PTK2: variants seen among roughly 807,000 people sequenced by gnomAD.
The protein encoded by PTK2 is protein tyrosine kinase 2, also known as focal adhesion kinase 1.
PTK2 carries 45 observed loss-of-function variants against 150.1 expected under a neutral mutation model. That is an observed-to-expected ratio of 0.30 (90% confidence interval 0.24 to 0.38). PTK2 has a LOEUF of 0.38. PTK2 is among the 10% of genes least tolerant of loss of function. PTK2 has a pLI of 1.00. For synonymous variants in PTK2, 432 were observed against 449.2 expected (o/e 0.96, Z 0.48); for missense variants, 919 against 1,307.3 (o/e 0.70, Z 4.58).
chr8:140,897,793 CTGCCAATTCTTTGTG>C (rs1285456255), intron 2 of PTK2, among the ~76,000 whole-genome samples: 1 of 152,216 alleles, frequency 6.6e-6, no homozygotes, highest in African/African-American at 2.4e-5. Flanking sequence ...ACAGCTGGGG[CTGCCAATTCTTTGTG>C]TGTCTCTAAA....
intron 28 of PTK2, among the ~76,000 whole-genome samples, chr8:140,674,654 G>C (rs984548906): frequency 6.6e-6 from 1 of 151,964 alleles, no homozygotes; most frequent in African/African-American, 2.4e-5. Context: ...CAGGAGAATC[G>C]CTTGAACCCA....
chr8:140,985,571 C>T (rs940862994), intron 1 of PTK2, among the ~76,000 whole-genome samples: 4 of 152,134 alleles, frequency 2.6e-5, no homozygotes, highest in African/African-American at 9.7e-5. Context: ...AACCTTTTCC[C>T]CCATCCTTCC....
chr8:140,833,520 A>G (rs1368417088), intron 7 of PTK2, among the ~76,000 whole-genome samples: 1 of 152,212 alleles, frequency 6.6e-6, no homozygotes, highest in Non-Finnish European at 1.5e-5. Flanking sequence ...AGGGACTTGT[A>G]GGCTGTCCCA....
intron 10 of PTK2, among the ~76,000 whole-genome samples, chr8:140,813,609 A>C (rs555070760): frequency 1.3e-5 from 2 of 152,354 alleles, no homozygotes; most frequent in Non-Finnish European, 2.9e-5. Context: ...GAGAACCAAG[A>C]CACAATGTAC....
At chr8:140,960,768 G>C (rs946716789) in intron 1 of PTK2, among the ~76,000 whole-genome samples, 2 of 152,054 alleles carry the variant, frequency 1.3e-5, no homozygotes, top group Non-Finnish European at 2.9e-5. Context: ...GATCACCTGA[G>C]GTCAGGAGTT....
chr8:140,991,424 T>C (rs558637158), intron 1 of PTK2, among the ~76,000 whole-genome samples: 2 of 152,306 alleles, frequency 1.3e-5, no homozygotes, highest in South Asian at 4.1e-4. Flanking sequence ...TTCATTCAAA[T>C]TCCAAACCAA....
chr8:140,918,049 G>A (rs2154608183), intron 2 of PTK2, among the ~76,000 whole-genome samples: 1 of 152,316 alleles, frequency 6.6e-6, no homozygotes, highest in East Asian at 1.9e-4. Flanking sequence ...GCATATGGCA[G>A]TGAGCAAAAG....
chr8:140,971,576 T>C (rs1324987853), intron 1 of PTK2, among the ~76,000 whole-genome samples: 1 of 152,250 alleles, frequency 6.6e-6, no homozygotes, highest in African/African-American at 2.4e-5. Flanking sequence ...ATCAATTTTT[T>C]CTACAGACTT....
intron 5 of PTK2, among the ~76,000 whole-genome samples, chr8:140,863,664 G>A (rs1346482055): frequency 6.6e-5 from 10 of 152,162 alleles, no homozygotes; most frequent in Admixed American, 5.9e-4. Flanking sequence ...ACTCTTCTAT[G>A]CACAGTCACG....
intron 15 of PTK2, 24 bp downstream of exon 18, chr8:140,762,344 G>A (rs781616226): frequency 1.0e-5 from 12 of 1,160,734 alleles, no homozygotes; most frequent in Admixed American, 4.2e-5. Flanking sequence ...AGCAAATGCA[G>A]TTAATTTAAA....
intron 23 of PTK2, among the ~76,000 whole-genome samples, chr8:140,708,968 C>CAAA (rs34259948): frequency 0.38 from 50,189 of 131,738 alleles, 9,747 homozygotes; most frequent in Non-Finnish European, 0.48. Context: ...TAAATTCAGG[C>CAAA]AAAAAAAAAA....
chr8:140,851,728 G>A (rs1307475059), intron 5 of PTK2, among the ~76,000 whole-genome samples: 1 of 152,020 alleles, frequency 6.6e-6, no homozygotes, highest in African/African-American at 2.4e-5. Flanking sequence ...ACATGGTGGT[G>A]TGCACCTGTA....
rs2100130284 is a variant in PTK2, at chr8:140,853,019, CACACTGTTTTGATGGTAA to C, written c.451-6359_451-6342del. On this transcript the variant is annotated intron_variant, in intron 5 of 31. Transcript: ENST00000522684. Reference sequence around the variant, plus strand: ...CAATTTGAACCAGATAATTTATGCACACACTGTTTTGATGGTAAACACCTGTTTTCTCTCTAGGGTCTG... The same window carrying C: ...CAATTTGAACCAGATAATTTATGCACACACCTGTTTTCTCTCTAGGGTCTG... 7.9e-5 allele frequency among the ~76,000 whole-genome samples: 12 copies of C among 152,280 alleles called. No individual in the cohort carries two copies. The South Asian group carries it at 2.5e-3, about 32-fold the overall frequency.
intron 31 of PTK2, chr8:140,662,829 A>C (rs7007306): frequency 2.6e-4 from 130 of 494,974 alleles, no homozygotes; most frequent in African/African-American, 2.2e-3. Context: ...GAAGAAACAA[A>C]TGTTTATAGG....
At chr8:140,680,376 C>T (rs940374147) in intron 27 of PTK2, among the ~76,000 whole-genome samples, 4 of 152,078 alleles carry the variant, frequency 2.6e-5, no homozygotes, top group East Asian at 1.9e-4. Context: ...TACAGGTACC[C>T]GCTACCACGC....
intron 1 of PTK2, among the ~76,000 whole-genome samples, chr8:140,931,408 C>T (rs11784127): frequency 0.42 from 63,370 of 151,558 alleles, 15,142 homozygotes; most frequent in Non-Finnish European, 0.55. Flanking sequence ...TAAAAAAATA[C>T]CAAACAATTA....
intron 3 of PTK2, among the ~76,000 whole-genome samples, chr8:140,884,319 T>C (rs1306727964): frequency 1.3e-5 from 2 of 152,190 alleles, no homozygotes; most frequent in African/African-American, 2.4e-5. Context: ...ATGGCTTTTA[T>C]GCTTTTTCTT....
intron 26 of PTK2, among the ~76,000 whole-genome samples, chr8:140,694,713 C>A (rs550937667): frequency 6.6e-6 from 1 of 152,278 alleles, no homozygotes; most frequent in East Asian, 1.9e-4. Flanking sequence ...TTGTAAATAG[C>A]AGATACCATG....
At chr8:140,746,040 T>G (rs925360070) in intron 18 of PTK2, among the ~76,000 whole-genome samples, 3 of 151,464 alleles carry the variant, frequency 2.0e-5, no homozygotes, top group Admixed American at 1.3e-4. Flanking sequence ...AACTGTGATT[T>G]AAATAAGTTG....
Sources: allele counts gnomAD v4.1 joint callset (sites outside exome capture counted in the v4.1 genomes callset), GRCh38; gene constraint gnomAD v4.1.1; transcripts MANE v1.5; gene names NCBI Gene and HGNC (gene_info 2026-07-23, HGNC 2026-07-21).